Variants in ZNF518A observed in about 807,000 individuals in gnomAD.
ZNF518A encodes zinc finger protein 518.
Under a neutral mutation model 102.7 loss-of-function variants are expected in ZNF518A, and 47 were observed. The observed-to-expected ratio is 0.46, with a 90% confidence interval of 0.36 to 0.58. ZNF518A has a LOEUF of 0.58. ZNF518A is among the 20% of genes least tolerant of loss of function. The probability of loss-of-function intolerance (pLI) is 0.00; values close to 1 mark genes in which losing one functional copy is unlikely to be tolerated. For synonymous variants in ZNF518A, 652 were observed against 594.6 expected (o/e 1.10, Z -1.40); for missense variants, 1,793 against 1,699.8 (o/e 1.05, Z -0.96).
chr10:96,171,884 CA>C (rs371873012), intron 1 of ZNF518A, among the ~76,000 whole-genome samples: 16 of 146,108 alleles, frequency 1.1e-4, no homozygotes, highest in East Asian at 2.0e-4. Context: ...TGTTGAAAGA[CA>C]AAAAAAAAAT....
intron 1 of ZNF518A, among the ~76,000 whole-genome samples, chr10:96,190,634 T>A (rs1323512140): frequency 6.6e-6 from 1 of 152,228 alleles, no homozygotes; most frequent in Non-Finnish European, 1.5e-5. Flanking sequence ...AATTATTACC[T>A]TCTGGCCTTT....
intron 2 of ZNF518A, 88 bp downstream of exon 2, chr10:96,132,758 T>C (rs1202944854): frequency 6.6e-6 from 1 of 152,078 alleles, no homozygotes; most frequent in African/African-American, 2.4e-5. Context: ...AAGTAAAATA[T>C]AGGTTAAGTA....
chr10:96,173,371 T>C (rs184581087), intron 1 of ZNF518A, among the ~76,000 whole-genome samples: 5 of 152,230 alleles, frequency 3.3e-5, no homozygotes, highest in Admixed American at 2.6e-4. Context: ...TCATTCTGTC[T>C]ACAGGAGCTA....
rs2083039030 is a variant in ZNF518A, at chr10:96,162,555, T to A, written c.*1781T>A. On this transcript the variant is annotated 3_prime_UTR_variant, in exon 6 of 6. Transcript: ENST00000316045. The stretch of plus-strand genomic sequence containing the variant: ...ACTGTTTTGTGCAGTTTGTCTACTT[T>A]CTTAGTGAAGTATTTTTTGTATAAA... 1 of 166,938 alleles carries A rather than the reference T, an allele frequency of 6.0e-6. No individual in the cohort carries two copies. The highest frequency in any genetic ancestry group is 1.5e-5 in the Non-Finnish European group (1 of 68,034). 10.3% of individuals were successfully genotyped at this position (166,938 alleles called of 1,614,324 possible).
downstream of ZNF518A, among the ~76,000 whole-genome samples, chr10:96,164,365 A>T (rs935795795): frequency 3.3e-5 from 5 of 152,238 alleles, no homozygotes; most frequent in Admixed American, 2.6e-4. Context: ...TGCTCTCAGC[A>T]TACTACCTTG....
rs782065252 is a variant in ZNF518A, at chr10:96,159,986, A to G, written c.3664A>G (p.Ile1222Val). ...ATGCCCAGAATCTTCTGAGGAACCA[A>G]TATGTGTCAGTGACTGTTCAGAGTC... ...ATCPESSEEPICVSDCSESRV... is the reference protein window; with the variant it reads ...ATCPESSEEPVCVSDCSESRV... The change falls in exon 6 of 6, where the codon ATA (isoleucine) becomes GTA (valine). Residue 1222 changes from isoleucine to valine, a missense_variant. This residue lies in a region of ZNF518A where 1,741 missense variants were observed against 1,622.6 expected (regional missense o/e 1.07). Transcript: ENST00000316045. The G allele has an allele frequency of 6.2e-6, 10 of 1,613,498 alleles. No homozygotes were observed. Among genetic ancestry groups the G allele is most frequent in the African/African-American group, 4.0e-5 (3 of 74,922 alleles).
intron 3 of ZNF518A, among the ~76,000 whole-genome samples, chr10:96,138,154 C>G (rs2081711901): frequency 6.6e-6 from 1 of 152,118 alleles, no homozygotes; most frequent in African/African-American, 2.4e-5. Context: ...ACTGTGTAGT[C>G]TTTGTCTTTA....
rs2083019241 is a variant in ZNF518A at position 96,162,022 on chromosome 10, G to A, written c.*1248G>A. ...TTGTAAGTTTGGATCAAATTTTGCT[G>A]GTTCTTTGGATAATGGAGTTCTTGT... On this transcript the variant is annotated 3_prime_UTR_variant, in exon 6 of 6. Coordinates refer to ENST00000316045, the MANE Select transcript of ZNF518A (RefSeq NM_001330736.2). The A allele has an allele frequency of 6.0e-6, 1 of 166,828 alleles. No homozygotes were observed. Among genetic ancestry groups the A allele is most frequent in the African/African-American group, 2.4e-5 (1 of 41,382 alleles). 10.3% of individuals were successfully genotyped at this position (166,828 alleles called of 1,614,324 possible).
rs782008549 is a variant in ZNF518A, at chr10:96,159,301, C to G, written c.2979C>G (p.Val993=). 4 of 1,613,302 alleles carry G rather than the reference C, an allele frequency of 2.5e-6. No homozygotes were observed. In the African/African-American group the frequency reaches 5.3e-5, roughly 22 times the overall value. Residue 993 remains valine, a synonymous_variant, in exon 6 of 6, where the codon GTC becomes GTG. Coordinates refer to ENST00000316045, the MANE Select transcript of ZNF518A (RefSeq NM_001330736.2). Reference sequence around the variant, plus strand: ...GGAAACTTGAAGGTGTTTCCGCTGTCAAAACCGAGGGTGCCCCAGCTCGTG... The same window carrying G: ...GGAAACTTGAAGGTGTTTCCGCTGTGAAAACCGAGGGTGCCCCAGCTCGTG... The part of the protein sequence containing the change: ...NNGKLEGVSA[V]KTEGAPARGT...
chr10:96,190,209 G>T, intron 1 of ZNF518A: 2 of 769,682 alleles, frequency 2.6e-6, no homozygotes, highest in Non-Finnish European at 4.7e-6. Flanking sequence ...CATGTCCATC[G>T]AATCTTCCAT....
downstream of ZNF518A, among the ~76,000 whole-genome samples, chr10:96,164,080 G>A (rs782219837): frequency 6.6e-6 from 1 of 152,170 alleles, no homozygotes; most frequent in African/African-American, 2.4e-5. Flanking sequence ...AATGCTGTGA[G>A]AATTTATGTC....
At chr10:96,134,329 C>A (rs1309003403) in intron 3 of ZNF518A, among the ~76,000 whole-genome samples, 1 of 152,212 alleles carries the variant, frequency 6.6e-6, no homozygotes, top group Non-Finnish European at 1.5e-5. Flanking sequence ...CTCCCAGGTG[C>A]AAGCAATTCT....
rs185968209 is a variant in ZNF518A, at chr10:96,130,305, G to A, written c.-900G>A. Among the ~76,000 whole-genome samples the A allele has an allele frequency of 2.7e-3, 418 of 152,338 alleles. 4 individuals carry two copies. The highest frequency in any genetic ancestry group is 9.4e-3 in the African/African-American group (390 of 41,574). The stretch of plus-strand genomic sequence containing the variant: ...ATTCAGCGCTTCCGCTTAACTTGCC[G>A]CAAAGTTTTTCTGGAGAAGTCGGGG... On this transcript the variant is annotated 5_prime_UTR_variant, in exon 1 of 6. Transcript: ENST00000316045.
intron 1 of ZNF518A, among the ~76,000 whole-genome samples, chr10:96,202,935 G>A (rs2133958376): frequency 6.6e-6 from 1 of 152,272 alleles, no homozygotes; most frequent in South Asian, 2.1e-4. Context: ...AGACCATCCT[G>A]TCTACAGCAG....
At chr10:96,166,867 G>A (rs1410927901), downstream of ZNF518A, among the ~76,000 whole-genome samples, 1 of 152,208 alleles carries the variant, frequency 6.6e-6, no homozygotes, top group Non-Finnish European at 1.5e-5. Flanking sequence ...CCATCTCAGA[G>A]GACTGACCAG....
upstream of ZNF518A, chr10:96,129,928 A>G (rs964587989): frequency 6.5e-6 from 1 of 152,680 alleles, no homozygotes; most frequent in South Asian, 2.1e-4. Context: ...ACCCAGCTCC[A>G]TGGCCTAGTC....
chr10:96,173,109 G>T (rs1361614316), intron 1 of ZNF518A, among the ~76,000 whole-genome samples: 2 of 152,110 alleles, frequency 1.3e-5, no homozygotes, highest in Non-Finnish European at 2.9e-5. Context: ...AAATATACAG[G>T]AGGATATTTG....
chr10:96,169,739 T>TG (rs1362469325), intron 1 of ZNF518A, among the ~76,000 whole-genome samples: 1 of 152,226 alleles, frequency 6.6e-6, no homozygotes, highest in East Asian at 1.9e-4. Context: ...TTTTTGTTGT[T>TG]GAAGAATTTA....
intron 1 of ZNF518A, chr10:96,190,122 C>A (rs587667574): frequency 1.2e-5 from 12 of 998,928 alleles, no homozygotes; most frequent in Admixed American, 1.7e-5. Flanking sequence ...CATCATTATC[C>A]ACCTTAAAGT....
Sources: gnomAD v4.1 joint callset for allele counts (sites outside exome capture counted in the v4.1 genomes callset) on GRCh38, gnomAD v4.1.1 for gene constraint, gnomAD v4.1.1 regional missense constraint, MANE v1.5 for transcripts, NCBI Gene and HGNC (gene_info 2026-07-23, HGNC 2026-07-21) for gene names.